NDST1: variants seen among roughly 807,000 people sequenced by gnomAD.
NDST1 encodes the protein bifunctional heparan sulfate N-deacetylase/N-sulfotransferase 1.
A neutral mutation model predicts 92.8 loss-of-function variants in NDST1; 35 were observed. The ratio of observed to expected loss-of-function variants is 0.38; its 90% CI spans 0.29 to 0.50. NDST1 has a LOEUF of 0.50. Ranked by LOEUF, NDST1 falls within the 20% of genes least tolerant of loss-of-function variation. The pLI is 0.94. For missense variants in NDST1, 822 were observed against 1,182.7 expected, an observed-to-expected ratio of 0.69 and a Z score of 4.47; for synonymous variants, 493 against 500.3, an observed-to-expected ratio of 0.99 and a Z score of 0.19.
In NDST1 at chr5:150,528,314, C is replaced by T. The variant is rs975651619; in HGVS notation, c.1008+16C>T. The T allele has an allele frequency of 6.4e-7, 1 of 1,571,224 alleles. No homozygotes were observed. The highest frequency in any genetic ancestry group is 1.2e-5 in the South Asian group (1 of 84,560). ...GGACGTGAAGGTATGGCCGGGGGTG[C>T]TAGACCGGGCAAGGCAGGTGGGGCC... On this transcript the variant is annotated intron_variant, in intron 3 of 14. Coordinates refer to ENST00000261797, the MANE Select transcript of NDST1 (RefSeq NM_001543.5).
Position 150,547,796 on chromosome 5 carries a change from G to C in NDST1, c.2146-422G>C, listed in dbSNP as rs980037520. Among the ~76,000 whole-genome samples the C allele has an allele frequency of 7.9e-5, 12 of 152,230 alleles. No homozygotes were observed. In the East Asian group the frequency reaches 1.7e-3, roughly 22 times the overall value. ...CACCCCCCGAGTTTAAGCGATTCTC[G>C]TGCCTCAGCCTTCCGAGTAGCTGGG... On this transcript the variant is annotated intron_variant, in intron 11 of 14. Transcript: ENST00000261797.
chr5:150,548,415 G>A (rs751594023), intron 12 of NDST1, 27 bp downstream of exon 12: 1 of 1,604,928 alleles, frequency 6.2e-7, no homozygotes, highest in Non-Finnish European at 8.5e-7. Flanking sequence ...ACCCTTGTGA[G>A]GGCAGTCACA....
chr5:150,540,520 T>TA (rs1286293182), intron 8 of NDST1, among the ~76,000 whole-genome samples: 2 of 151,870 alleles, frequency 1.3e-5, no homozygotes, highest in African/African-American at 2.4e-5. Context: ...AAAACAGTGT[T>TA]AAAAAAACGA....
intron 6 of NDST1, among the ~76,000 whole-genome samples, chr5:150,538,811 C>G (rs1222018672): frequency 6.6e-6 from 1 of 152,212 alleles, no homozygotes; most frequent in Non-Finnish European, 1.5e-5. Context: ...CTCACAGTTT[C>G]ATGAGGGGAG....
intron 1 of NDST1, among the ~76,000 whole-genome samples, chr5:150,518,540 G>C (rs1386307684): frequency 6.6e-6 from 1 of 152,080 alleles, no homozygotes; most frequent in African/African-American, 2.4e-5. Context: ...CAAACAAAAA[G>C]CGGAAATAAA....
At chr5:150,505,986 G>A (rs1433668237), upstream of NDST1, among the ~76,000 whole-genome samples, 7 of 152,124 alleles carry the variant, frequency 4.6e-5, 1 homozygote, top group South Asian at 1.4e-3. Context: ...GGCCGAGAAA[G>A]GAGTGGTACT....
chr5:150,528,398 A>T (rs2151279106), intron 3 of NDST1, 100 bp downstream of exon 3: 1 of 1,338,982 alleles, frequency 7.5e-7, no homozygotes, highest in South Asian at 1.5e-5. Flanking sequence ...CATCTCCCCT[A>T]TGCTGGGAGT....
chr5:150,507,619 GC>G (rs1347926230), upstream of NDST1: 2 of 152,490 alleles, frequency 1.3e-5, no homozygotes, highest in African/African-American at 4.8e-5. Flanking sequence ...GCTGGGTGGG[GC>G]CAGGGGCCAA....
chr5:150,510,906 A>G lies in NDST1; in HGVS notation c.-388+2680A>G, dbSNP rs142010056. On this transcript the variant is annotated intron_variant, in intron 1 of 14. Transcript: ENST00000261797. Reference sequence around the variant, plus strand: ...CAAACACAGACAGAAAACTATTGAAAAGGAATGGAGAAAGGGATGTGCAGG... The same window carrying G: ...CAAACACAGACAGAAAACTATTGAAGAGGAATGGAGAAAGGGATGTGCAGG... Among the ~76,000 whole-genome samples, 352 of 152,364 alleles carry G rather than the reference A, an allele frequency of 2.3e-3. 1 individual carries two copies. Among genetic ancestry groups the G allele is most frequent in the African/African-American group, 7.7e-3 (320 of 41,578 alleles).
chr5:150,539,444 A>G, intron 7 of NDST1, 88 bp downstream of exon 7: 1 of 1,606,268 alleles, frequency 6.2e-7, no homozygotes. Context: ...GGAGCCAGGA[A>G]AGGGTGGAGA....
Position 150,553,857 on chromosome 5 carries a change from C to G in NDST1, c.*525C>G, listed in dbSNP as rs1249289568. ...CTAGGCTGGATGGGAGGGTGGCCCC[C>G]TCAAGAGGACTCCCAGCCTCCACAT... On this transcript the variant is annotated 3_prime_UTR_variant, in exon 15 of 15. Transcript: ENST00000261797. This position sits in a 1 kb window ranked among gnomAD's most constrained non-coding sequence, Gnocchi z 4.2. The G allele has an allele frequency of 2.3e-6, 1 of 431,982 alleles. No individual in the cohort carries two copies. Among genetic ancestry groups the G allele is most frequent in the Non-Finnish European group, 4.1e-6 (1 of 244,650 alleles). The allele number at this position is 431,982 out of a possible 1,614,324, so 26.8% of individuals were successfully genotyped here.
intron 10 of NDST1, among the ~76,000 whole-genome samples, chr5:150,543,683 C>T (rs1171462325): frequency 6.6e-6 from 1 of 152,226 alleles, no homozygotes; most frequent in African/African-American, 2.4e-5. Flanking sequence ...GCATGGACTG[C>T]AAAGTTTGCC....
chr5:150,522,005 C>T (rs897543404), intron 2 of NDST1, among the ~76,000 whole-genome samples: 2 of 152,122 alleles, frequency 1.3e-5, no homozygotes, highest in African/African-American at 4.8e-5. Flanking sequence ...GGGTCCAGCA[C>T]ACAGCAGGTG....
At chr5:150,515,763 C>T (rs1266625407) in intron 1 of NDST1, among the ~76,000 whole-genome samples, 1 of 152,152 alleles carries the variant, frequency 6.6e-6, no homozygotes, top group Non-Finnish European at 1.5e-5. Context: ...TCCTTGAGGC[C>T]TTGGTGGCTG....
intron 3 of NDST1, 102 bp downstream of exon 3, chr5:150,528,400 G>T (rs765369306): frequency 1.8e-4 from 242 of 1,332,988 alleles, no homozygotes; most frequent in Non-Finnish European, 2.3e-4. Context: ...TCTCCCCTAT[G>T]CTGGGAGTTA....
chr5:150,543,045 A>G, intron 10 of NDST1, 74 bp downstream of exon 10: 1 of 1,590,740 alleles, frequency 6.3e-7, no homozygotes, highest in Non-Finnish European at 8.6e-7. Flanking sequence ...CTGTGGCCAC[A>G]GCAGGAAGCA....
At chr5:150,514,243 A>C (rs1218218313) in intron 1 of NDST1, among the ~76,000 whole-genome samples, 1 of 152,254 alleles carries the variant, frequency 6.6e-6, no homozygotes. Flanking sequence ...TGTGGATAAC[A>C]ATATTAGTTG....
chr5:150,523,457 A>C (rs193152224), intron 2 of NDST1, among the ~76,000 whole-genome samples: 1 of 152,364 alleles, frequency 6.6e-6, no homozygotes, highest in Admixed American at 6.5e-5. Flanking sequence ...ACACGAAGGC[A>C]GGTGGCTAGC....
chr5:150,547,501 T>C (rs528066382), intron 11 of NDST1, among the ~76,000 whole-genome samples: 2 of 152,314 alleles, frequency 1.3e-5, no homozygotes, highest in South Asian at 4.1e-4. Context: ...TTATTTTAAG[T>C]GATTCAGACC....
Sources: gnomAD v4.1 joint callset for allele counts (sites outside exome capture counted in the v4.1 genomes callset) on GRCh38, gnomAD v4.1.1 for gene constraint, Gnocchi (gnomAD v3.1) non-coding constraint, MANE v1.5 for transcripts, NCBI Gene and HGNC (gene_info 2026-07-23, HGNC 2026-07-21) for gene names.